Variants in SMYD3 observed in about 807,000 individuals in gnomAD.
SMYD3 encodes the protein histone-lysine N-methyltransferase SMYD3.
A neutral mutation model predicts 57.7 loss-of-function variants in SMYD3; 36 were observed. The observed-to-expected ratio is 0.62, with a 90% CI of 0.48 to 0.82. SMYD3 has a LOEUF of 0.82. Among genes scored for constraint, SMYD3 ranks in the 40% least tolerant of loss-of-function variants. The probability of loss-of-function intolerance (pLI) is 0.00; values close to 1 mark genes in which losing one functional copy is unlikely to be tolerated. For missense variants in SMYD3, 515 were observed against 538.8 expected (o/e 0.96, Z 0.44); for synonymous variants, 211 against 195.0 (o/e 1.08, Z -0.68).
chr1:245,895,797 A>C (rs1335703700), intron 8 of SMYD3, among the ~76,000 whole-genome samples: 1 of 152,240 alleles, frequency 6.6e-6, no homozygotes, highest in Non-Finnish European at 1.5e-5. Context: ...ATTTCTTTGT[A>C]GAAGCTGGGC....
chr1:246,007,723 G>A (rs142662555), intron 5 of SMYD3, among the ~76,000 whole-genome samples: 220 of 151,996 alleles, frequency 1.4e-3, no homozygotes, highest in African/African-American at 5.2e-3. Flanking sequence ...AGGCTGAGGT[G>A]GGAGGATCAC....
At chr1:246,262,743 G>A (rs1178444787) in intron 5 of SMYD3, among the ~76,000 whole-genome samples, 2 of 152,040 alleles carry the variant, frequency 1.3e-5, no homozygotes, top group Non-Finnish European at 2.9e-5. Flanking sequence ...TAATTTACTT[G>A]TCTCTATAAA....
intron 5 of SMYD3, among the ~76,000 whole-genome samples, chr1:246,133,703 T>C (rs12060368): frequency 0.012 from 1,832 of 152,214 alleles, 32 homozygotes; most frequent in African/African-American, 0.041. Context: ...CCAGCTTTTA[T>C]ATTATTTTAT....
intron 5 of SMYD3, among the ~76,000 whole-genome samples, chr1:246,011,259 C>T (rs1039546256): frequency 6.6e-6 from 1 of 152,190 alleles, no homozygotes; most frequent in Non-Finnish European, 1.5e-5. Context: ...CAAACACCAC[C>T]TTCCTCCTCT....
chr1:246,067,710 T>C (rs2148371875), intron 5 of SMYD3, among the ~76,000 whole-genome samples: 1 of 152,320 alleles, frequency 6.6e-6, no homozygotes, highest in Admixed American at 6.5e-5. Context: ...AAGATCATTT[T>C]CATTAAACAC....
intron 5 of SMYD3, chr1:246,326,769 A>C: frequency 3.8e-6 from 1 of 264,706 alleles, no homozygotes; most frequent in Non-Finnish European, 7.0e-6. Flanking sequence ...GTCTAAAAAC[A>C]AAAAAGAAAA....
chr1:245,929,759 TGGCTCTTGAACAAGCTGCA>T, intron 6 of SMYD3, 92 bp downstream of exon 6: 2 of 832,908 alleles, frequency 2.4e-6, no homozygotes. Flanking sequence ...GTTTTAAGCT[TGGCTCTTGAACAAGCTGCA>T]GCAACTGCCT....
intron 5 of SMYD3, among the ~76,000 whole-genome samples, chr1:246,097,482 G>A (rs2060936269): frequency 6.6e-6 from 1 of 152,102 alleles, no homozygotes; most frequent in Admixed American, 6.5e-5. Flanking sequence ...ACCAGTGGTT[G>A]CCAATATGCG....
intron 5 of SMYD3, among the ~76,000 whole-genome samples, chr1:246,299,363 G>A (rs998897108): frequency 2.6e-5 from 4 of 152,128 alleles, no homozygotes; most frequent in African/African-American, 9.7e-5. Flanking sequence ...TGAGGTTGCA[G>A]AGAAAAAGGA....
At chr1:245,805,717 C>T (rs758466974) in intron 10 of SMYD3, among the ~76,000 whole-genome samples, 2 of 152,074 alleles carry the variant, frequency 1.3e-5, no homozygotes, top group African/African-American at 2.4e-5. Flanking sequence ...CCGTCTGTGG[C>T]TCCAGGCAAT....
chr1:246,062,825 T>C (rs969486673), intron 5 of SMYD3, among the ~76,000 whole-genome samples: 1 of 152,096 alleles, frequency 6.6e-6, no homozygotes, highest in African/African-American at 2.4e-5. Context: ...AGCGAAGGTA[T>C]GTTGAAAAAA....
rs920250532 is a variant in SMYD3 at position 245,876,790 on chromosome 1, T to G, written c.814-12904A>C. ...CCAGTGGTTGAAACGGCCAAACAAA[T>G]GTATCATTTCTAAATACCGCACGTG... On this transcript the variant is annotated intron_variant, in intron 8 of 11. Coordinates refer to ENST00000490107, the MANE Select transcript of SMYD3 (RefSeq NM_001167740.2). 4.6e-5 allele frequency among the ~76,000 whole-genome samples: 7 copies of G among 152,274 alleles called. No homozygotes were observed. The East Asian group carries it at 1.4e-3, about 29-fold the overall frequency.
chr1:246,426,508 T>C (rs1298439673), intron 1 of SMYD3, among the ~76,000 whole-genome samples: 1 of 152,228 alleles, frequency 6.6e-6, no homozygotes, highest in East Asian at 1.9e-4. Context: ...ACGAATCATA[T>C]GACATGCGGT....
chr1:246,487,958 T>C (rs2068213108), intron 1 of SMYD3, among the ~76,000 whole-genome samples: 1 of 152,106 alleles, frequency 6.6e-6, no homozygotes, highest in Non-Finnish European at 1.5e-5. Context: ...CCTCCCAAAG[T>C]GCTGGGATTA....
chr1:246,384,612 T>G (rs1213979377), intron 1 of SMYD3, among the ~76,000 whole-genome samples: 6 of 152,064 alleles, frequency 3.9e-5, no homozygotes, highest in African/African-American at 9.7e-5. Flanking sequence ...GGCCAGGCTG[T>G]TGTCAAACTC....
In SMYD3 at chr1:246,140,536, T is replaced by C. The variant is rs141960841; in HGVS notation, c.531+186665A>G. The stretch of plus-strand genomic sequence containing the variant: ...ATTGAAGGAACTGCTCCGTGGTGGA[T>C]TATTTTCCTATTAAAGTTTATACTT... On this transcript the variant is annotated intron_variant, in intron 5 of 11. Transcript: ENST00000490107. Among the ~76,000 whole-genome samples the C allele has an allele frequency of 4.7e-3, 723 of 152,342 alleles. 2 individuals carry two copies. The highest frequency in any genetic ancestry group is 6.9e-3 in the Non-Finnish European group (467 of 68,028).
At position 246,212,044 on chromosome 1, in the gene SMYD3, C is replaced by A. The variant is rs143179440; in HGVS notation, c.531+115157G>T. Among the ~76,000 whole-genome samples, 3 of 151,872 alleles carry A rather than the reference C, an allele frequency of 2.0e-5. 1 individual carries two copies. Among genetic ancestry groups the A allele is most frequent in the African/African-American group, 7.3e-5 (3 of 41,310 alleles). On this transcript the variant is annotated intron_variant, in intron 5 of 11. Transcript: ENST00000490107. Reference sequence around the variant, plus strand: ...TCTACAACAGACAAAATGAGTAAATCGGAATCAAAAGCTTTTATTTTTTTA... The same window carrying A: ...TCTACAACAGACAAAATGAGTAAATAGGAATCAAAAGCTTTTATTTTTTTA...
intron 5 of SMYD3, among the ~76,000 whole-genome samples, chr1:246,126,677 T>C: frequency 6.6e-6 from 1 of 152,194 alleles, no homozygotes; most frequent in Middle Eastern, 3.2e-3. Flanking sequence ...TATTTACTCC[T>C]TATTTCAAAG....
At position 245,984,399 on chromosome 1, in the gene SMYD3, C is replaced by T. The variant is rs773558569; in HGVS notation, c.532-54462G>A. Among the ~76,000 whole-genome samples the T allele has an allele frequency of 5.2e-4, 79 of 152,308 alleles. No homozygotes were observed. The Middle Eastern group carries it at 0.01, about 20-fold the overall frequency. On this transcript the variant is annotated intron_variant, in intron 5 of 11. Coordinates refer to ENST00000490107, the MANE Select transcript of SMYD3 (RefSeq NM_001167740.2). ...AAAGCCCATCAACTTCACAACCATGCAGCACAAATCTATTTGTGCCTGCGC... is the reference window on the plus strand; with the variant it reads ...AAAGCCCATCAACTTCACAACCATGTAGCACAAATCTATTTGTGCCTGCGC...
Sources: allele counts gnomAD v4.1 joint callset (sites outside exome capture counted in the v4.1 genomes callset), GRCh38; gene constraint gnomAD v4.1.1; transcripts MANE v1.5; gene names NCBI Gene and HGNC (gene_info 2026-07-23, HGNC 2026-07-21).